Variants in TET2 observed in about 807,000 individuals in gnomAD.
TET2 encodes methylcytosine dioxygenase TET2.
In TET2, 299 loss-of-function variants were observed where a neutral mutation model predicts 142.9. The ratio of observed to expected loss-of-function variants is 2.09; its 90% confidence interval spans 1.90 to 2.30. TET2 has a LOEUF of 2.30. Among genes scored for constraint, TET2 ranks in the 30% most tolerant of loss-of-function variants. The probability of loss-of-function intolerance (pLI) is 0.00; values close to 1 mark genes in which losing one functional copy is unlikely to be tolerated. For synonymous variants in TET2, 819 were observed against 849.0 expected, an observed-to-expected ratio of 0.96 and a Z score of 0.61; for missense variants, 2,418 against 2,378.0, an observed-to-expected ratio of 1.02 and a Z score of -0.35.
intron 2 of TET2, among the ~76,000 whole-genome samples, chr4:105,223,567 TAGAAC>T (rs1727987575): frequency 6.6e-6 from 1 of 152,164 alleles, no homozygotes; most frequent in Admixed American, 6.6e-5. Context: ...CTCGGGATTT[TAGAAC>T]ACTATACAGA....
chr4:105,225,614 C>T (rs909881974), intron 2 of TET2, among the ~76,000 whole-genome samples: 17 of 152,140 alleles, frequency 1.1e-4, no homozygotes, highest in African/African-American at 3.9e-4. Context: ...CTCTAGTCTT[C>T]CCCTCTCCTG....
intron 7 of TET2, among the ~76,000 whole-genome samples, chr4:105,261,159 A>C (rs1005682631): frequency 2.6e-5 from 4 of 152,028 alleles, no homozygotes; most frequent in African/African-American, 9.7e-5. Context: ...ATTTTTTAAC[A>C]GTATATTACT....
Position 105,277,510 on chromosome 4 carries a change from T to C in TET2, c.*991T>C, listed in dbSNP as rs1356807544. On this transcript the variant is annotated 3_prime_UTR_variant, in exon 11 of 11. Transcript: ENST00000380013. ...TTTACTTTCATTTTAGAATGCAAAG[T>C]TGATTTTTTTAAGGAAACAAAGAAA... 4.4e-6 allele frequency: 1 copy of C among 226,838 alleles called. No homozygotes were observed. Among genetic ancestry groups the C allele is most frequent in the African/African-American group, 2.2e-5 (1 of 44,990 alleles). 14.1% of individuals were successfully genotyped at this position (226,838 alleles called of 1,614,324 possible).
intron 2 of TET2, among the ~76,000 whole-genome samples, chr4:105,200,705 G>T (rs1300048057): frequency 2.0e-5 from 3 of 151,664 alleles, no homozygotes; most frequent in East Asian, 1.9e-4. Context: ...GCTGTCACCA[G>T]TCTGGAGTGT....
At position 105,278,784 on chromosome 4, in the gene TET2, G is replaced by A. The variant is rs997204319; in HGVS notation, c.*2265G>A. 4 of 232,900 alleles carry A rather than the reference G, an allele frequency of 1.7e-5. No homozygotes were observed. The highest frequency in any genetic ancestry group is 6.6e-5 in the African/African-American group (3 of 45,342). 14.4% of individuals were successfully genotyped at this position (232,900 alleles called of 1,614,324 possible). ...GAGTTGATAAAGGGAAAAATTGTAA[G>A]GCAGGAGTTTGGCAAGTGGCTGTTG... On this transcript the variant is annotated 3_prime_UTR_variant, in exon 11 of 11. Coordinates refer to ENST00000380013, the MANE Select transcript of TET2 (RefSeq NM_001127208.3).
intron 1 of TET2, among the ~76,000 whole-genome samples, chr4:105,177,201 A>G (rs1431792871): frequency 5.3e-5 from 8 of 152,350 alleles, no homozygotes; most frequent in African/African-American, 1.9e-4. Context: ...GAAAAATCCT[A>G]GATGACTTTG....
intron 6 of TET2, among the ~76,000 whole-genome samples, chr4:105,245,047 A>C (rs900355954): frequency 6.6e-6 from 1 of 152,178 alleles, no homozygotes; most frequent in African/African-American, 2.4e-5. Flanking sequence ...CAGCTAGCCA[A>C]ATTTGTCCTT....
At chr4:105,195,781 TG>T (rs1243023180) in intron 2 of TET2, among the ~76,000 whole-genome samples, 1 of 152,152 alleles carries the variant, frequency 6.6e-6, no homozygotes, top group Non-Finnish European at 1.5e-5. Context: ...TGAATACCCA[TG>T]GGGGGCTGAC....
At position 105,261,807 on chromosome 4, in the gene TET2, C is replaced by T; in HGVS notation, c.4003C>T (p.Pro1335Ser). Reference protein sequence around the residue: ...HLQNLSTLMAPTYKKLAPDAY... With the variant: ...HLQNLSTLMASTYKKLAPDAY... ...GCAAAACCTGTCCACTCTTATGGCA[C>T]CAACATATAAGAAACTTGCACCTGA... Residue 1335 changes from proline (P) to serine (S), a missense_variant, in exon 8 of 11, where the codon CCA (proline) becomes TCA (serine). Transcript: ENST00000380013. The T allele has an allele frequency of 6.5e-7, 1 of 1,549,336 alleles. No homozygotes were observed.
rs984665358 is a variant in TET2 at position 105,269,670 on chromosome 4, T to C, written c.4105T>C (p.Ser1369Pro). 1.3e-6 allele frequency: 2 copies of C among 1,551,680 alleles called. No homozygotes were observed. The highest frequency in any genetic ancestry group is 1.2e-5 in the South Asian group (1 of 84,062). ...RLGLKEGRPF[S>P]GVTACLDFCA... ...GGGTCTGAAGGAAGGCCGTCCATTC[T>C]CAGGGGTCACTGCATGTTTGGACTT... Residue 1369 changes from serine (S) to proline (P), a missense_variant, in exon 9 of 11, where the codon TCA (serine) becomes CCA (proline). Ser to Pro is a moderately conservative substitution (Grantham distance 74). Coordinates refer to ENST00000380013, the MANE Select transcript of TET2 (RefSeq NM_001127208.3).
rs1412161585 is a variant in TET2 at position 105,214,333 on chromosome 4, A to C, written c.-46-19564A>C. Among the ~76,000 whole-genome samples the C allele has an allele frequency of 1.5e-4, 20 of 132,764 alleles. 1 individual carries two copies. In the East Asian group the frequency reaches 3.9e-3, roughly 26 times the overall value. 87.1% of individuals were successfully genotyped at this position (132,764 alleles called of 152,430 possible). On this transcript the variant is annotated intron_variant, in intron 2 of 10. Coordinates refer to ENST00000380013, the MANE Select transcript of TET2 (RefSeq NM_001127208.3). ...TTTTTTTTTTTTTTTTTGAGACAAG[A>C]CTTCCCTGTGTCACCCAGGCTGGAG...
chr4:105,168,838 T>C (rs1724301271), intron 1 of TET2, among the ~76,000 whole-genome samples: 1 of 152,210 alleles, frequency 6.6e-6, no homozygotes, highest in African/African-American at 2.4e-5. Flanking sequence ...ACATATGATG[T>C]TTGGTTTTCC....
chr4:105,241,073 T>C, intron 3 of TET2: 7 of 1,086,872 alleles, frequency 6.4e-6, no homozygotes, highest in Non-Finnish European at 8.1e-6. Context: ...CTTTGTTTAG[T>C]TTCATTTATT....
At chr4:105,209,887 G>A (rs757552426) in intron 2 of TET2, among the ~76,000 whole-genome samples, 2 of 152,114 alleles carry the variant, frequency 1.3e-5, no homozygotes, top group African/African-American at 4.8e-5. Flanking sequence ...TCAATAGGCT[G>A]TTGCGGTTAT....
At chr4:105,220,835 T>A (rs1386872541) in intron 2 of TET2, among the ~76,000 whole-genome samples, 1 of 152,190 alleles carries the variant, frequency 6.6e-6, no homozygotes, top group African/African-American at 2.4e-5. Flanking sequence ...CTACTTCAGC[T>A]TTGCCTGCTG....
At chr4:105,270,833 G>A (rs1483704272) in intron 9 of TET2, among the ~76,000 whole-genome samples, 3 of 152,106 alleles carry the variant, frequency 2.0e-5, no homozygotes, top group Admixed American at 2.0e-4. Flanking sequence ...CATGGATGTA[G>A]GTGTAGTTGA....
In TET2 at chr4:105,275,927, A is replaced by G. The variant is rs541638375; in HGVS notation, c.5417A>G (p.His1806Arg). The G allele has an allele frequency of 5.2e-6, 8 of 1,552,046 alleles. No individual in the cohort carries two copies. The East Asian group carries it at 7.3e-5, about 14-fold the overall frequency. Reference protein sequence around the residue: ...GLSKMLPALNHDRTACVQGGL... With the variant: ...GLSKMLPALNRDRTACVQGGL... ...TCAAAGATGCTTCCAGCTCTTAACC[A>G]TGATAGAACTGCTTGTGTCCAAGGA... The change falls in exon 11 of 11, where the codon CAT (histidine) becomes CGT (arginine). Residue 1806 changes from histidine to arginine, a missense_variant. By Grantham distance (29) the His-to-Arg change is conservative. Transcript: ENST00000380013.
chr4:105,243,361 A>C, intron 5 of TET2, among the ~76,000 whole-genome samples: 1 of 152,176 alleles, frequency 6.6e-6, no homozygotes, highest in East Asian at 1.9e-4. Flanking sequence ...GTAGTTTTGC[A>C]TCTCTCCTTG....
chr4:105,275,700 T>C lies in TET2; in HGVS notation c.5190T>C (p.Asp1730=). 6.4e-7 allele frequency: 1 copy of C among 1,551,844 alleles called. No homozygotes were observed. The highest frequency in any genetic ancestry group is 8.7e-7 in the Non-Finnish European group (1 of 1,146,994). Residue 1730 remains aspartate (D), a synonymous_variant, in exon 11 of 11, where the codon GAT becomes GAC. Coordinates refer to ENST00000380013, the MANE Select transcript of TET2 (RefSeq NM_001127208.3). ...CTCCTTATCCCACTCATGAGATGGATGGCCACTTCATGGGAGCCACCTCTA... is the reference window on the plus strand; with the variant it reads ...CTCCTTATCCCACTCATGAGATGGACGGCCACTTCATGGGAGCCACCTCTA... ...KLPPYPTHEM[D]GHFMGATSRL...
Sources: allele counts gnomAD v4.1 joint callset (sites outside exome capture counted in the v4.1 genomes callset), GRCh38; gene constraint gnomAD v4.1.1; transcripts MANE v1.5; gene names NCBI Gene and HGNC (gene_info 2026-07-23, HGNC 2026-07-21).